ASAH2B: variants seen among roughly 807,000 people sequenced by gnomAD.
ASAH2B encodes putative inactive neutral ceramidase B.
A neutral mutation model predicts 2.9 loss-of-function variants in ASAH2B; 1 was observed. That is an observed-to-expected ratio of 0.34 (90% CI 0.12 to 1.63). The LOEUF (loss-of-function observed/expected upper bound fraction) is 1.63, where lower values mean the gene tolerates loss of function less well. ASAH2B is among the 40% of genes most tolerant of loss of function. The pLI is 0.36. For synonymous variants in ASAH2B, 4 were observed against 13.3 expected, an observed-to-expected ratio of 0.30 and a Z score of 1.52; for missense variants, 9 against 37.7, an observed-to-expected ratio of 0.24 and a Z score of 1.99.
intron 4 of ASAH2B, among the ~76,000 whole-genome samples, chr10:50,751,827 CTTTG>C (rs1220171105): frequency 7.7e-6 from 1 of 129,366 alleles, no homozygotes; most frequent in Admixed American, 8.1e-5. Flanking sequence ...CAAATCTGTG[CTTTG>C]TTTGAAGCTG....
intron 1 of ASAH2B, among the ~76,000 whole-genome samples, chr10:50,741,914 T>C (rs1296311881): frequency 6.6e-6 from 1 of 152,124 alleles, no homozygotes; most frequent in East Asian, 1.9e-4. Flanking sequence ...GGCAGAGGAC[T>C]GATTAAGAAG....
intron 3 of ASAH2B, among the ~76,000 whole-genome samples, chr10:50,747,012 T>C (rs1377925845): frequency 6.6e-6 from 1 of 150,728 alleles, no homozygotes; most frequent in East Asian, 1.9e-4. Context: ...TTTGATGTAA[T>C]ATGTGCCTGT....
In ASAH2B at chr10:50,756,589, A is replaced by C. The variant is rs1467497358; in HGVS notation, c.*1849A>C. 6.6e-6 allele frequency: 1 copy of C among 151,944 alleles called. No individual in the cohort carries two copies. Among genetic ancestry groups the C allele is most frequent in the African/African-American group, 2.4e-5 (1 of 41,422 alleles). 9.4% of individuals were successfully genotyped at this position (151,944 alleles called of 1,614,324 possible). A position where few individuals can be genotyped will look rare whatever the true frequency, so the allele number is the denominator to read the frequency against. ...ATTCCTTCTATTGAAGCTTTCCTCA[A>C]ATCTACTTGTGATTCCTGATAGCTC... On this transcript the variant is annotated 3_prime_UTR_variant, in exon 6 of 6. Transcript: ENST00000647317.
At position 50,748,075 on chromosome 10, in the gene ASAH2B, A is replaced by G. The variant is rs185653899; in HGVS notation, c.145-1268A>G. Among the ~76,000 whole-genome samples, 455 of 150,550 alleles carry G rather than the reference A, an allele frequency of 3.0e-3. 6 individuals are homozygous for G. The highest frequency in any genetic ancestry group is 2.4e-3 in the Non-Finnish European group (165 of 67,470). ...TTCTTTACTTGTTATATGCCCATTC[A>G]TATGTCCTATTTTTTTCCTTGCATC... On this transcript the variant is annotated intron_variant, in intron 3 of 5. Transcript: ENST00000647317.
At chr10:50,747,269 A>G (rs1442304892) in intron 3 of ASAH2B, among the ~76,000 whole-genome samples, 3 of 151,262 alleles carry the variant, frequency 2.0e-5, no homozygotes, top group Admixed American at 6.6e-5. Flanking sequence ...TGTTCTTGGC[A>G]CTTTTGTCAA....
chr10:50,740,423 C>A (rs1839811711), intron 1 of ASAH2B, among the ~76,000 whole-genome samples: 1 of 152,184 alleles, frequency 6.6e-6, no homozygotes, highest in Non-Finnish European at 1.5e-5. Context: ...TCCTAACTCC[C>A]AGCCGGTGTT....
In ASAH2B at chr10:50,755,844, T is replaced by G. The variant is rs1837076204; in HGVS notation, c.*1104T>G. The G allele has an allele frequency of 6.6e-6, 1 of 151,778 alleles. No homozygotes were observed. Among genetic ancestry groups the G allele is most frequent in the Non-Finnish European group, 1.5e-5 (1 of 67,810 alleles). 9.4% of individuals were successfully genotyped at this position (151,778 alleles called of 1,614,324 possible). On this transcript the variant is annotated 3_prime_UTR_variant, in exon 6 of 6. Coordinates refer to ENST00000647317, the MANE Select transcript of ASAH2B (RefSeq NM_001321958.2). ...GAAGGAGAAAATAATCGATTTAATA[T>G]GTAAATTCTGGGGAGGCATTTAAAA...
In ASAH2B at chr10:50,755,642, A is replaced by T. The variant is rs980702182; in HGVS notation, c.*902A>T. The T allele has an allele frequency of 1.3e-5, 2 of 151,730 alleles. No homozygotes were observed. The highest frequency in any genetic ancestry group is 4.8e-5 in the African/African-American group (2 of 41,392). The allele number at this position is 151,730 out of a possible 1,614,324, so 9.4% of individuals were successfully genotyped here. A position where few individuals can be genotyped will look rare whatever the true frequency, so the allele number is the denominator to read the frequency against. ...GCTGGGAAAGCACTCCTCAAAGCAG[A>T]GGTTCTAAATTAATTTATCTGTTCT... is the stretch of plus-strand genomic sequence containing the variant. On this transcript the variant is annotated 3_prime_UTR_variant, in exon 6 of 6. Coordinates refer to ENST00000647317, the MANE Select transcript of ASAH2B (RefSeq NM_001321958.2).
At chr10:50,751,211 CTT>C (rs1839972780) in intron 4 of ASAH2B, among the ~76,000 whole-genome samples, 1 of 123,458 alleles carries the variant, frequency 8.1e-6, no homozygotes, top group African/African-American at 3.1e-5. Flanking sequence ...TATTAAAGTG[CTT>C]TATATGCATT....
chr10:50,754,166 C>CATAT (rs1164698561), intron 5 of ASAH2B, among the ~76,000 whole-genome samples: 52 of 145,600 alleles, frequency 3.6e-4, no homozygotes, highest in African/African-American at 1.1e-3. Flanking sequence ...TACACACACA[C>CATAT]ATATATATAT....
intron 4 of ASAH2B, among the ~76,000 whole-genome samples, chr10:50,751,508 C>T (rs1839978008): frequency 6.6e-6 from 1 of 150,518 alleles, no homozygotes; most frequent in Admixed American, 6.6e-5. Flanking sequence ...TAAGGCCTTC[C>T]CAATGTCATT....
At chr10:50,748,312 G>A (rs1839937189) in intron 3 of ASAH2B, among the ~76,000 whole-genome samples, 1 of 130,842 alleles carries the variant, frequency 7.6e-6, no homozygotes, top group Non-Finnish European at 1.7e-5. Context: ...CAAAGAACTA[G>A]CATTTAGTTT....
At chr10:50,745,804 T>C (rs2259981) in intron 3 of ASAH2B, among the ~76,000 whole-genome samples, 100,924 of 141,242 alleles carry the variant, frequency 0.71, 37,090 homozygotes, top group East Asian at 0.97. Flanking sequence ...TTATCCTTAT[T>C]GGACTGGCTA....
chr10:50,740,230 GT>G (rs1839808083), intron 1 of ASAH2B, among the ~76,000 whole-genome samples: 1 of 152,098 alleles, frequency 6.6e-6, no homozygotes, highest in Non-Finnish European at 1.5e-5. Flanking sequence ...TCCTGGCGAC[GT>G]GGTCCCAGCA....
In ASAH2B at chr10:50,757,149, T is replaced by C. The variant is rs556388384; in HGVS notation, c.*2409T>C. 4.0e-5 allele frequency: 6 copies of C among 151,454 alleles called. No individual in the cohort carries two copies. Among genetic ancestry groups the C allele is most frequent in the Non-Finnish European group, 7.4e-5 (5 of 67,692 alleles). 9.4% of individuals were successfully genotyped at this position (151,454 alleles called of 1,614,324 possible). A position where few individuals can be genotyped will look rare whatever the true frequency, so the allele number is the denominator to read the frequency against. ...ACTGTGTAAAATTGTCAATATTCAATGGATTATTTAATAATAAATTAAGAA... is the reference window on the plus strand; with the variant it reads ...ACTGTGTAAAATTGTCAATATTCAACGGATTATTTAATAATAAATTAAGAA... On this transcript the variant is annotated 3_prime_UTR_variant, in exon 6 of 6. Coordinates refer to ENST00000647317, the MANE Select transcript of ASAH2B (RefSeq NM_001321958.2).
At chr10:50,740,189 C>T (rs1462062050) in intron 1 of ASAH2B, among the ~76,000 whole-genome samples, 5 of 151,962 alleles carry the variant, frequency 3.3e-5, no homozygotes, top group Non-Finnish European at 5.9e-5. Flanking sequence ...GAGAGCCTGA[C>T]GGGGAGGGAA....
At chr10:50,743,906 T>A (rs1839869795) in intron 2 of ASAH2B, among the ~76,000 whole-genome samples, 1 of 151,578 alleles carries the variant, frequency 6.6e-6, no homozygotes, top group Non-Finnish European at 1.5e-5. Flanking sequence ...ATGAAATGGT[T>A]GTCTCTGTAG....
intron 1 of ASAH2B, among the ~76,000 whole-genome samples, chr10:50,740,954 A>G (rs910990447): frequency 1.3e-5 from 2 of 152,208 alleles, no homozygotes; most frequent in African/African-American, 2.4e-5. Context: ...TACAGAGGTG[A>G]CAGGTACTAA....
At chr10:50,744,209 C>T (rs1384647810) in intron 2 of ASAH2B, among the ~76,000 whole-genome samples, 1 of 151,428 alleles carries the variant, frequency 6.6e-6, no homozygotes, top group Non-Finnish European at 1.5e-5. Flanking sequence ...GTTTAACTGT[C>T]ACTATGCTCA....
Sources: gnomAD v4.1 joint callset for allele counts (sites outside exome capture counted in the v4.1 genomes callset) on GRCh38, gnomAD v4.1.1 for gene constraint, MANE v1.5 for transcripts, NCBI Gene and HGNC (gene_info 2026-07-23, HGNC 2026-07-21) for gene names.